TNFRSF19: variants seen among roughly 807,000 people sequenced by gnomAD.
TNFRSF19 encodes the protein tumor necrosis factor receptor superfamily member 19.
TNFRSF19 carries 27 observed loss-of-function variants against 46.4 expected under a neutral mutation model. The observed-to-expected ratio is 0.58, with a 90% CI of 0.43 to 0.80. The LOEUF (loss-of-function observed/expected upper bound fraction) is 0.80. Ranked by LOEUF, TNFRSF19 falls within the 30% of genes least tolerant of loss-of-function variation. The pLI is 0.00. For missense variants in TNFRSF19, 511 were observed against 530.8 expected (o/e 0.96, Z 0.37); for synonymous variants, 204 against 205.0 (o/e 1.00, Z 0.04).
At position 23,675,070 on chromosome 13, in the gene TNFRSF19, A is replaced by G. The variant is rs1227465972; in HGVS notation, c.*1690A>G. ...GTCATAATTAATTGACTTTTCCTGT[A>G]TTACTTCTTTTTTTAAGTATAAACC... On this transcript the variant is annotated 3_prime_UTR_variant, in exon 10 of 10. Coordinates refer to ENST00000248484, the MANE Select transcript of TNFRSF19 (RefSeq NM_148957.4). The G allele has an allele frequency of 2.0e-5, 3 of 152,068 alleles. No homozygotes were observed. Among genetic ancestry groups the G allele is most frequent in the Non-Finnish European group, 2.9e-5 (2 of 68,002 alleles). 9.4% of individuals were successfully genotyped at this position (152,068 alleles called of 1,614,324 possible).
intron 3 of TNFRSF19, among the ~76,000 whole-genome samples, chr13:23,600,769 A>AG (rs1880087034): frequency 6.6e-6 from 1 of 152,138 alleles, no homozygotes; most frequent in Admixed American, 6.5e-5. Context: ...TACAGTACAG[A>AG]GGCACAGGCC....
chr13:23,661,220 T>C (rs1224431244), intron 7 of TNFRSF19, among the ~76,000 whole-genome samples: 1 of 152,178 alleles, frequency 6.6e-6, no homozygotes, highest in African/African-American at 2.4e-5. Context: ...TAGACCCCAT[T>C]GTGTGTTGTT....
intron 9 of TNFRSF19, chr13:23,669,323 C>A: frequency 7.3e-7 from 1 of 1,365,324 alleles, no homozygotes; most frequent in Non-Finnish European, 9.4e-7. Flanking sequence ...TCTTTTATTC[C>A]TCTTTGTAAG....
intron 7 of TNFRSF19, 93 bp from the exon 8 acceptor site, chr13:23,667,887 C>A: frequency 9.4e-7 from 1 of 1,066,046 alleles, no homozygotes; most frequent in Non-Finnish European, 1.3e-6. Context: ...CAAAGGGAAA[C>A]ATCTAAATTT....
rs149305766 is a variant in TNFRSF19, at chr13:23,640,428, A to G, written c.445+13636A>G. Among the ~76,000 whole-genome samples the G allele has an allele frequency of 2.0e-4, 30 of 152,280 alleles. No individual in the cohort carries two copies. In the East Asian group the frequency reaches 2.1e-3, roughly 11 times the overall value. On this transcript the variant is annotated intron_variant, in intron 5 of 9. Transcript: ENST00000248484. ...GTAAGTGCTACTACAGCCTTCCTCGATGACTAACCTGTACCCAGCTTTGAG... is the reference window on the plus strand; with the variant it reads ...GTAAGTGCTACTACAGCCTTCCTCGGTGACTAACCTGTACCCAGCTTTGAG...
chr13:23,595,624 C>A (rs1361473276), intron 3 of TNFRSF19, among the ~76,000 whole-genome samples: 2 of 152,138 alleles, frequency 1.3e-5, no homozygotes, highest in African/African-American at 2.4e-5. Context: ...AAGACCAAAC[C>A]TACATTTTAT....
At chr13:23,594,115 G>C (rs1006212310) in intron 3 of TNFRSF19, 2 of 373,318 alleles carry the variant, frequency 5.4e-6, no homozygotes, top group African/African-American at 4.3e-5. Flanking sequence ...CACAGACCAG[G>C]AGATTCCCTT....
At chr13:23,595,507 T>A (rs574557045) in intron 3 of TNFRSF19, among the ~76,000 whole-genome samples, 1 of 152,090 alleles carries the variant, frequency 6.6e-6, no homozygotes, top group East Asian at 1.9e-4. Flanking sequence ...AGAAAGGATA[T>A]CAGAGATTGA....
At chr13:23,625,326 CTTT>C (rs67965421) in intron 4 of TNFRSF19, among the ~76,000 whole-genome samples, 2 of 107,328 alleles carry the variant, frequency 1.9e-5, no homozygotes, top group Admixed American at 1.1e-4. Flanking sequence ...TGATTGTATT[CTTT>C]TTTTTTTTTT....
chr13:23,589,550 G>C lies in TNFRSF19; in HGVS notation c.-34-600G>C, dbSNP rs188663048. On this transcript the variant is annotated intron_variant, in intron 1 of 9. Transcript: ENST00000248484. ...CTGTCAGGGCGTATGTGACACAGGA[G>C]CTGTAGAAAGGGATGCTCCACCTGG... Among the ~76,000 whole-genome samples the C allele has an allele frequency of 2.5e-3, 381 of 152,316 alleles. 4 individuals are homozygous for C. Among genetic ancestry groups the C allele is most frequent in the Non-Finnish European group, 3.5e-3 (238 of 68,038 alleles).
chr13:23,649,250 C>T (rs376561676), intron 5 of TNFRSF19, among the ~76,000 whole-genome samples: 19 of 152,098 alleles, frequency 1.2e-4, no homozygotes, highest in East Asian at 1.9e-4. Flanking sequence ...TCAATCTCTT[C>T]GGTTATATAG....
chr13:23,664,036 G>A (rs1309779315), intron 7 of TNFRSF19, among the ~76,000 whole-genome samples: 2 of 151,880 alleles, frequency 1.3e-5, no homozygotes, highest in African/African-American at 4.8e-5. Context: ...GTCTTCTGCT[G>A]GCTTTAGGGG....
chr13:23,610,205 G>T (rs1371978134), intron 3 of TNFRSF19, among the ~76,000 whole-genome samples: 3 of 152,188 alleles, frequency 2.0e-5, no homozygotes, highest in African/African-American at 7.2e-5. Flanking sequence ...TGTGTTTCCT[G>T]GACAACAAGG....
intron 4 of TNFRSF19, 125 bp from the exon 5 acceptor site, chr13:23,626,582 C>A: frequency 1.3e-6 from 1 of 792,446 alleles, no homozygotes; most frequent in Non-Finnish European, 2.0e-6. Context: ...ACCTAAGATA[C>A]TATTATTTAA....
At chr13:23,630,153 A>G (rs985095614) in intron 5 of TNFRSF19, among the ~76,000 whole-genome samples, 6 of 152,004 alleles carry the variant, frequency 3.9e-5, no homozygotes, top group African/African-American at 1.4e-4. Flanking sequence ...AAAATAAAAA[A>G]TTAGCTAGGG....
chr13:23,593,625 T>C (rs1879482633), intron 3 of TNFRSF19, among the ~76,000 whole-genome samples, 170 bp downstream of exon 3: 2 of 152,270 alleles, frequency 1.3e-5, no homozygotes, highest in Non-Finnish European at 2.9e-5. Context: ...ATACTTTTGA[T>C]TCATGTGTCT....
At chr13:23,626,913 G>A (rs1410633950) in intron 5 of TNFRSF19, 121 bp downstream of exon 5, 1 of 850,020 alleles carries the variant, frequency 1.2e-6, no homozygotes, top group African/African-American at 1.7e-5. Flanking sequence ...GGGGTGTACA[G>A]TGTGTCCTCT....
intron 2 of TNFRSF19, among the ~76,000 whole-genome samples, chr13:23,591,217 C>T (rs1879258630): frequency 6.6e-6 from 1 of 152,112 alleles, no homozygotes; most frequent in Non-Finnish European, 1.5e-5. Context: ...CTTTGGGAGG[C>T]CGAGGCAGGT....
chr13:23,578,210 C>G (rs990013076), intron 1 of TNFRSF19, among the ~76,000 whole-genome samples: 4 of 152,044 alleles, frequency 2.6e-5, no homozygotes, highest in African/African-American at 9.7e-5. Flanking sequence ...GGAGTCTGAT[C>G]GGGTAGCCGC....
Sources: gnomAD v4.1 joint callset for allele counts (sites outside exome capture counted in the v4.1 genomes callset) on GRCh38, gnomAD v4.1.1 for gene constraint, MANE v1.5 for transcripts, NCBI Gene and HGNC (gene_info 2026-07-23, HGNC 2026-07-21) for gene names.